PCMT1: variants seen among roughly 807,000 people sequenced by gnomAD.
PCMT1 encodes protein-L-isoaspartate (D-aspartate) O-methyltransferase.
A neutral mutation model predicts 29.2 loss-of-function variants in PCMT1; 9 were observed. The ratio of observed to expected loss-of-function variants is 0.31; its 90% CI spans 0.19 to 0.54. The LOEUF is 0.54. PCMT1 is among the 20% of genes least tolerant of loss of function. The pLI is 0.95. For missense variants in PCMT1, 184 were observed against 282.2 expected (o/e 0.65, Z 2.49); for synonymous variants, 98 against 97.5 (o/e 1.00, Z -0.03).
chr6:149,785,527 T>C (rs9688996), intron 3 of PCMT1, among the ~76,000 whole-genome samples: 15,692 of 150,486 alleles, frequency 0.1, 1,289 homozygotes, highest in African/African-American at 0.34. Flanking sequence ...CAAAGGTCTC[T>C]GGTTTTCCTA....
intron 3 of PCMT1, among the ~76,000 whole-genome samples, chr6:149,787,152 CCTGCAATCGCAG>C (rs1298441612): frequency 6.2e-4 from 91 of 147,124 alleles, no homozygotes; most frequent in African/African-American, 2.3e-3. Flanking sequence ...GTGGCGCGCG[CCTGCAATCGCAG>C]GCACTCGGCA....
At position 149,762,947 on chromosome 6, in the gene PCMT1, C is replaced by A. The variant is rs1280296538; in HGVS notation, c.56-8215C>A. Among the ~76,000 whole-genome samples the A allele has an allele frequency of 2.2e-4, 9 of 40,172 alleles. 2 individuals carry two copies. The South Asian group carries it at 2.3e-3, about 10-fold the overall frequency. 26.4% of individuals were successfully genotyped at this position (40,172 alleles called of 152,430 possible). A position where few individuals can be genotyped will look rare whatever the true frequency, so the allele number is the denominator to read the frequency against. ...TCTATGATATATATGATATATATATCTATGATATGTATATCTATGATATAT... is the reference window on the plus strand; with the variant it reads ...TCTATGATATATATGATATATATATATATGATATGTATATCTATGATATAT... On this transcript the variant is annotated intron_variant, in intron 1 of 7. Transcript: ENST00000464889.
intron 1 of PCMT1, among the ~76,000 whole-genome samples, chr6:149,768,730 G>A (rs1405733378): frequency 1.3e-5 from 2 of 151,830 alleles, no homozygotes; most frequent in African/African-American, 2.4e-5. Flanking sequence ...GGGTTCAAGC[G>A]ATTCTTGTGC....
chr6:149,753,965 C>CA (rs1342829136), intron 1 of PCMT1, among the ~76,000 whole-genome samples: 1 of 152,166 alleles, frequency 6.6e-6, no homozygotes, highest in Non-Finnish European at 1.5e-5. Context: ...TAAGTGGTGC[C>CA]ACTGCTGGTC....
At chr6:149,771,305 A>G (rs371986421) in intron 2 of PCMT1, 39 bp downstream of exon 2, 5 of 1,230,738 alleles carry the variant, frequency 4.1e-6, no homozygotes, top group East Asian at 2.3e-5. Flanking sequence ...AGTTTTCATC[A>G]TTTACTTTAT....
At chr6:149,768,130 TG>T (rs150469872) in intron 1 of PCMT1, among the ~76,000 whole-genome samples, 2,104 of 150,032 alleles carry the variant, frequency 0.014, 47 homozygotes, top group African/African-American at 0.05. Flanking sequence ...CTTACTCTGT[TG>T]CCCAGGCTGG....
At chr6:149,810,535 T>C (rs2115357589) in intron 7 of PCMT1, 81 bp from the exon 8 acceptor site, 1 of 974,324 alleles carries the variant, frequency 1.0e-6, no homozygotes, top group Non-Finnish European at 1.6e-6. Flanking sequence ...ATTGACTTAA[T>C]AGTTGTGTCT....
intron 1 of PCMT1, among the ~76,000 whole-genome samples, chr6:149,757,488 TAAC>T (rs1287397117): frequency 1.3e-5 from 2 of 152,196 alleles, no homozygotes; most frequent in East Asian, 3.9e-4. Flanking sequence ...GTGATGAAGA[TAAC>T]AAGAGGATCA....
chr6:149,810,585 A>G (rs1193413781), intron 7 of PCMT1, 31 bp from the exon 8 acceptor site: 6 of 1,534,600 alleles, frequency 3.9e-6, no homozygotes, highest in Non-Finnish European at 5.3e-6. Context: ...TGTAACTCCT[A>G]CTAATGTATT....
chr6:149,751,966 G>A (rs1281894594), intron 1 of PCMT1, among the ~76,000 whole-genome samples: 1 of 150,308 alleles, frequency 6.7e-6, no homozygotes, highest in Non-Finnish European at 1.5e-5. Flanking sequence ...CCTGCTTTCT[G>A]TGCTCAAGCG....
chr6:149,753,298 C>G (rs9479882), intron 1 of PCMT1, among the ~76,000 whole-genome samples: 1 of 151,456 alleles, frequency 6.6e-6, no homozygotes, highest in Non-Finnish European at 1.5e-5. Context: ...TGAAAAGGGG[C>G]CTGCTTACTA....
At chr6:149,792,140 C>A (rs1788396889) in intron 4 of PCMT1, among the ~76,000 whole-genome samples, 2 of 151,764 alleles carry the variant, frequency 1.3e-5, no homozygotes, top group Admixed American at 1.3e-4. Context: ...CATGGTGAAA[C>A]CCCGTCTCCA....
chr6:149,809,789 C>G (rs1776113702), intron 7 of PCMT1, among the ~76,000 whole-genome samples: 2 of 152,118 alleles, frequency 1.3e-5, no homozygotes, highest in Non-Finnish European at 2.9e-5. Flanking sequence ...TCTTTCCCCT[C>G]TTTCTATATA....
At chr6:149,796,192 C>T (rs1788606399) in intron 5 of PCMT1, 1 of 376,294 alleles carries the variant, frequency 2.7e-6, no homozygotes, top group South Asian at 5.9e-5. Flanking sequence ...TGATTGTTAA[C>T]TCCAGTTTTT....
chr6:149,808,529 T>C (rs1776072823), intron 7 of PCMT1, among the ~76,000 whole-genome samples: 1 of 152,172 alleles, frequency 6.6e-6, no homozygotes, highest in Admixed American at 6.5e-5. Context: ...AAGTATTTTT[T>C]AGACAGAGAG....
intron 5 of PCMT1, chr6:149,796,186 T>C (rs992376328): frequency 2.7e-6 from 1 of 367,394 alleles, no homozygotes; most frequent in African/African-American, 2.1e-5. Context: ...ACTAAATGAT[T>C]GTTAACTCCA....
rs1436069394 is a variant in PCMT1 at position 149,794,085 on chromosome 6, A to C, written c.418+416A>C. On this transcript the variant is annotated intron_variant, in intron 5 of 7. Coordinates refer to ENST00000464889, the MANE Select transcript of PCMT1 (RefSeq NM_001360452.2). The stretch of plus-strand genomic sequence containing the variant: ...TTGATAATAGAAATTCTTAATTTTA[A>C]TGTAGTCAGACTTACCAATTTTTTT... 2.0e-5 allele frequency among the ~76,000 whole-genome samples: 3 copies of C among 152,274 alleles called. No homozygotes were observed. In the East Asian group the frequency reaches 5.8e-4, roughly 29 times the overall value.
At chr6:149,787,202 G>C (rs1001494228) in intron 3 of PCMT1, among the ~76,000 whole-genome samples, 5 of 146,598 alleles carry the variant, frequency 3.4e-5, no homozygotes, top group African/African-American at 1.3e-4. Flanking sequence ...CAGGCAGGGA[G>C]ATTGCAGTGA....
At chr6:149,783,161 T>C (rs896978593) in intron 3 of PCMT1, among the ~76,000 whole-genome samples, 7 of 152,154 alleles carry the variant, frequency 4.6e-5, no homozygotes, top group African/African-American at 1.7e-4. Context: ...CAAGTCATAG[T>C]CTTGCTGTGT....
Sources: allele counts gnomAD v4.1 joint callset (sites outside exome capture counted in the v4.1 genomes callset), GRCh38; gene constraint gnomAD v4.1.1; transcripts MANE v1.5; gene names NCBI Gene and HGNC (gene_info 2026-07-23, HGNC 2026-07-21).